The following SEC16A variants were observed in gnomAD, a reference collection of about 807,000 sequenced individuals.
SEC16A encodes protein transport protein Sec16A.
SEC16A carries 110 observed loss-of-function variants against 221.9 expected under a neutral mutation model. That is an observed-to-expected ratio of 0.50 (90% CI 0.42 to 0.58). SEC16A has a LOEUF of 0.58. Ranked by LOEUF, SEC16A falls within the 20% of genes least tolerant of loss-of-function variation. The pLI, the probability that SEC16A is intolerant of heterozygous loss-of-function variation, is 0.00. For missense variants in SEC16A, 3,165 were observed against 3,097.8 expected (o/e 1.02, Z -0.52); for synonymous variants, 1,393 against 1,257.7 (o/e 1.11, Z -2.28).
rs1842605918 is a variant in SEC16A at position 136,482,987 on chromosome 9, G to A, written c.-241C>T. The A allele has an allele frequency of 1.0e-6, 1 of 985,184 alleles. No homozygotes were observed. The highest frequency in any genetic ancestry group is 1.2e-6 in the Non-Finnish European group (1 of 829,860). The allele number at this position is 985,184 out of a possible 1,614,324, so 61.0% of individuals were successfully genotyped here. ...AGGAGCCGCGGGCGAAAGCCCACCC[G>A]ACGCTGGCGACGAGCACAGACACCT... is the stretch of plus-strand genomic sequence containing the variant. On this transcript the variant is annotated 5_prime_UTR_variant, in exon 1 of 32. Coordinates refer to ENST00000684901, the MANE Select transcript of SEC16A (RefSeq NM_014866.2).
At position 136,459,683 on chromosome 9, in the gene SEC16A, G is replaced by T; in HGVS notation, c.5191+74C>A. The T allele has an allele frequency of 7.1e-7, 1 of 1,411,038 alleles. No individual in the cohort carries two copies. Among genetic ancestry groups the T allele is most frequent in the Non-Finnish European group, 9.8e-7 (1 of 1,023,044 alleles). The allele number at this position is 1,411,038 out of a possible 1,614,324, so 87.4% of individuals were successfully genotyped here. A position where few individuals can be genotyped will look rare whatever the true frequency, so the allele number is the denominator to read the frequency against. On this transcript the variant is annotated intron_variant, in intron 15 of 31. Coordinates refer to ENST00000684901, the MANE Select transcript of SEC16A (RefSeq NM_014866.2). This position sits in a 1 kb window ranked among gnomAD's most constrained non-coding sequence, Gnocchi z 6.1. The stretch of plus-strand genomic sequence containing the variant: ...AGAAGGCCGGGTTCTGGTGATTTCT[G>T]CCAACGCCACAGACAACCGGGCCTT...
At chr9:136,465,783 C>T (rs149072649) in intron 8 of SEC16A, among the ~76,000 whole-genome samples, 179 bp downstream of exon 8, 1,990 of 152,284 alleles carry the variant, frequency 0.013, 24 homozygotes, top group Middle Eastern at 0.054. Flanking sequence ...AAACTGCAAT[C>T]GAAGAGACAG....
chr9:136,454,250 G>A lies in SEC16A; in HGVS notation c.5935C>T (p.Pro1979Ser), dbSNP rs1564473996. The A allele has an allele frequency of 1.3e-6, 2 of 1,578,468 alleles. No individual in the cohort carries two copies. Among genetic ancestry groups the A allele is most frequent in the Non-Finnish European group, 1.7e-6 (2 of 1,162,610 alleles). ...ACACAGCCAGGACCCGGCTCCAGGG[G>A]CCCCGGGGGCAGTGGCACTGGGAAC... ...PMFPVPLPPG[P>S]LEPGPGCVTP... Residue 1979 changes from proline to serine, a missense_variant, in exon 21 of 32, where the codon CCC (proline) becomes TCC (serine). Physicochemically the swap from Pro to Ser is moderately conservative, Grantham distance 74. Coordinates refer to ENST00000684901, the MANE Select transcript of SEC16A (RefSeq NM_014866.2).
At chr9:136,451,640 G>GCTC (rs1216539144) in intron 22 of SEC16A, among the ~76,000 whole-genome samples, 5 of 152,172 alleles carry the variant, frequency 3.3e-5, no homozygotes, top group Non-Finnish European at 5.9e-5. Context: ...TTAATAAGCA[G>GCTC]CTCCGTCTGG....
intron 17 of SEC16A, 130 bp from the exon 18 acceptor site, chr9:136,457,714 A>T: frequency 8.7e-7 from 1 of 1,148,882 alleles, no homozygotes; most frequent in South Asian, 1.6e-5. Context: ...ACTCTTCTGG[A>T]CACTTCACTC....
Position 136,459,335 on chromosome 9 carries a change from G to A in SEC16A, c.5304-96C>T, listed in dbSNP as rs948076912. 3.3e-5 allele frequency: 46 copies of A among 1,411,240 alleles called. No homozygotes were observed. The highest frequency in any genetic ancestry group is 4.3e-5 in the Non-Finnish European group (43 of 1,010,124). The allele number at this position is 1,411,240 out of a possible 1,614,324, so 87.4% of individuals were successfully genotyped here. On this transcript the variant is annotated intron_variant, in intron 16 of 31. Coordinates refer to ENST00000684901, the MANE Select transcript of SEC16A (RefSeq NM_014866.2). The surrounding 1 kb of genome is among the most constrained non-coding windows in gnomAD (Gnocchi z 6.1). ...ATCATCCAGAAGTGTGTCCCACCAC[G>A]TGACAAATAAAGACATGATTCTGGC...
chr9:136,460,003 C>A, intron 14 of SEC16A, 39 bp downstream of exon 14: 2 of 1,565,782 alleles, frequency 1.3e-6, no homozygotes, highest in Non-Finnish European at 1.7e-6. Flanking sequence ...TCCACACAGG[C>A]AGTGGAGCCT....
intron 1 of SEC16A, 23 bp downstream of exon 1, chr9:136,482,915 C>A (rs1460262954): frequency 1.1e-6 from 1 of 943,082 alleles, no homozygotes; most frequent in Non-Finnish European, 1.3e-6. Flanking sequence ...CGCTCGCCCC[C>A]TCACCCGCGC....
rs1431450856 is a variant in SEC16A, at chr9:136,482,988, A to G, written c.-242T>C. 2.6e-5 allele frequency: 26 copies of G among 984,528 alleles called. No individual in the cohort carries two copies. Among genetic ancestry groups the G allele is most frequent in the Non-Finnish European group, 3.1e-5 (26 of 829,756 alleles). The allele number at this position is 984,528 out of a possible 1,614,324, so 61.0% of individuals were successfully genotyped here. On this transcript the variant is annotated 5_prime_UTR_variant, in exon 1 of 32. Coordinates refer to ENST00000684901, the MANE Select transcript of SEC16A (RefSeq NM_014866.2). ...GGAGCCGCGGGCGAAAGCCCACCCGACGCTGGCGACGAGCACAGACACCTC... is the reference window on the plus strand; with the variant it reads ...GGAGCCGCGGGCGAAAGCCCACCCGGCGCTGGCGACGAGCACAGACACCTC...
Position 136,474,254 on chromosome 9 carries a change from C to T in SEC16A, c.3362G>A (p.Ser1121Asn). The T allele has an allele frequency of 1.2e-6, 2 of 1,608,782 alleles. No homozygotes were observed. The highest frequency in any genetic ancestry group is 2.2e-5 in the South Asian group (2 of 90,620). Residue 1121 changes from serine to asparagine, a missense_variant, in exon 3 of 32, where the codon AGC becomes AAC. This residue lies in a region of SEC16A where 2,030 missense variants were observed against 1,923.1 expected (regional missense o/e 1.06). Transcript: ENST00000684901. ...QLPPRPPQSS[S>N]VSLVSSGSGQ... ...GGAGCCACTGGACACCAGAGACACG[C>T]TAGAGGACTGAGGAGGCCGAGGGGG...
intron 8 of SEC16A, 132 bp downstream of exon 8, chr9:136,465,830 G>A (rs1840068193): frequency 4.3e-6 from 4 of 930,190 alleles, no homozygotes; most frequent in African/African-American, 1.7e-5. Flanking sequence ...TTCTCGGAAG[G>A]ACGGATTGGG....
Position 136,475,799 on chromosome 9 carries a change from C to T in SEC16A, c.1817G>A (p.Ser606Asn). ...TACCGGTTCGAAAGAACTATTTGCA[C>T]TTGTCTGAAATATTCCTGTAGGTTT... The part of the protein sequence containing the change: ...PPKPTGIFQT[S>N]ANSSFEPVKS... The change falls in exon 3 of 32, where the codon AGT (serine) becomes AAT (asparagine). Residue 606 changes from serine to asparagine, a missense_variant. Transcript: ENST00000684901. This position sits in a 1 kb window ranked among gnomAD's most constrained non-coding sequence, Gnocchi z 5.0. The T allele has an allele frequency of 6.3e-7, 1 of 1,587,778 alleles. No individual in the cohort carries two copies. Among genetic ancestry groups the T allele is most frequent in the Non-Finnish European group, 8.6e-7 (1 of 1,166,766 alleles).
intron 9 of SEC16A, 28 bp from the exon 10 acceptor site, chr9:136,463,768 G>A: frequency 1.2e-6 from 2 of 1,610,324 alleles, no homozygotes; most frequent in Non-Finnish European, 1.7e-6. Flanking sequence ...TGGGTCAGTG[G>A]CAGCCAGTGC....
At chr9:136,464,743 G>C (rs1395877081) in intron 8 of SEC16A, among the ~76,000 whole-genome samples, 181 bp from the exon 9 acceptor site, 1 of 152,150 alleles carries the variant, frequency 6.6e-6, no homozygotes, top group African/African-American at 2.4e-5. Flanking sequence ...CATACGTCAG[G>C]AAAAGAAAAA....
Position 136,454,249 on chromosome 9 carries a change from G to C in SEC16A, c.5936C>G (p.Pro1979Arg), listed in dbSNP as rs773243663. 1 of 1,578,212 alleles carries C rather than the reference G, an allele frequency of 6.3e-7. No homozygotes were observed. Reference sequence around the variant, plus strand: ...CACACAGCCAGGACCCGGCTCCAGGGGCCCCGGGGGCAGTGGCACTGGGAA... The same window carrying C: ...CACACAGCCAGGACCCGGCTCCAGGCGCCCCGGGGGCAGTGGCACTGGGAA... The part of the protein sequence containing the change: ...PMFPVPLPPG[P>R]LEPGPGCVTP... The change falls in exon 21 of 32, where the codon CCC becomes CGC. Residue 1979 changes from proline to arginine, a missense_variant. Transcript: ENST00000684901.
At chr9:136,468,656 A>T in intron 4 of SEC16A, 144 bp from the exon 5 acceptor site, 1 of 593,866 alleles carries the variant, frequency 1.7e-6, no homozygotes, top group Admixed American at 3.0e-5. Context: ...GATTCAAAAC[A>T]GTAGCAAGGA....
In SEC16A at chr9:136,447,444, A is replaced by G; in HGVS notation, c.6560-80T>C. ...CCAAATGCTCTGCGCTCACTGCGTC[A>G]GAGGAAAAGCACGCAGGGACGTGCG... is the stretch of plus-strand genomic sequence containing the variant. On this transcript the variant is annotated intron_variant, in intron 26 of 31. Coordinates refer to ENST00000684901, the MANE Select transcript of SEC16A (RefSeq NM_014866.2). The surrounding 1 kb of genome is among the most constrained non-coding windows in gnomAD (Gnocchi z 5.5). The G allele has an allele frequency of 6.4e-7, 1 of 1,571,824 alleles. No individual in the cohort carries two copies.
rs1262330851 is a variant in SEC16A at position 136,447,940 on chromosome 9, G to A, written c.6391-31C>T. 6 of 1,588,074 alleles carry A rather than the reference G, an allele frequency of 3.8e-6. No homozygotes were observed. In the Admixed American group the frequency reaches 1.1e-4, roughly 28 times the overall value. ...AAGATTTTAAAAAGAAAAAAGGTCA[G>A]CAGACTGAACCTAAACAGAATTAGC... On this transcript the variant is annotated intron_variant, in intron 24 of 31. Coordinates refer to ENST00000684901, the MANE Select transcript of SEC16A (RefSeq NM_014866.2). The surrounding 1 kb of genome is among the most constrained non-coding windows in gnomAD (Gnocchi z 5.5).
Position 136,459,247 on chromosome 9 carries a change from G to A in SEC16A, c.5304-8C>T. 1 of 1,610,774 alleles carries A rather than the reference G, an allele frequency of 6.2e-7. No homozygotes were observed. Among genetic ancestry groups the A allele is most frequent in the Non-Finnish European group, 8.5e-7 (1 of 1,178,386 alleles). ...AACTTTAAGAATGGCAAACTGTAGA[G>A]GAAGTGAATTATTTTGATTTGGAAA... On this transcript the variant is annotated splice_region_variant and splice_polypyrimidine_tract_variant and intron_variant, in intron 16 of 31. Coordinates refer to ENST00000684901, the MANE Select transcript of SEC16A (RefSeq NM_014866.2). The surrounding 1 kb of genome is among the most constrained non-coding windows in gnomAD (Gnocchi z 6.1).
Sources: allele counts gnomAD v4.1 joint callset (sites outside exome capture counted in the v4.1 genomes callset), GRCh38; gene constraint gnomAD v4.1.1; regional missense constraint gnomAD v4.1.1; non-coding constraint Gnocchi (gnomAD v3.1); transcripts MANE v1.5; gene names NCBI Gene and HGNC (gene_info 2026-07-23, HGNC 2026-07-21).